Variants in ELP3 observed in about 807,000 individuals in gnomAD.
ELP3 encodes elongator acetyltransferase complex subunit 3.
In ELP3, 56 loss-of-function variants were observed where a neutral mutation model predicts 74.9. The ratio of observed to expected loss-of-function variants is 0.75; its 90% confidence interval spans 0.60 to 0.93. The LOEUF is 0.93. ELP3 is among the 40% of genes least tolerant of loss of function. The pLI, the probability that ELP3 is intolerant of heterozygous loss-of-function variation, is 0.00. For missense variants in ELP3, 573 were observed against 686.5 expected, an observed-to-expected ratio of 0.83 and a Z score of 1.85; for synonymous variants, 222 against 239.8, an observed-to-expected ratio of 0.93 and a Z score of 0.68.
chr8:28,123,247 A>G (rs373180948), intron 7 of ELP3, among the ~76,000 whole-genome samples: 2 of 152,356 alleles, frequency 1.3e-5, no homozygotes, highest in East Asian at 3.9e-4. Context: ...ATATTTTTTC[A>G]TACCCTTTAT....
chr8:28,173,299 CTTG>C (rs1178185165), intron 14 of ELP3, among the ~76,000 whole-genome samples: 1 of 151,758 alleles, frequency 6.6e-6, no homozygotes, highest in African/African-American at 2.4e-5. Context: ...GATTCAGTTT[CTTG>C]TTATGTATTT....
intron 10 of ELP3, among the ~76,000 whole-genome samples, chr8:28,142,973 A>T (rs553238939): frequency 1.4e-4 from 21 of 152,258 alleles, no homozygotes; most frequent in African/African-American, 4.8e-4. Context: ...TATGTTTTGC[A>T]TTGAGTGTTA....
chr8:28,135,844 C>T (rs2130475802), intron 9 of ELP3, among the ~76,000 whole-genome samples: 1 of 152,222 alleles, frequency 6.6e-6, no homozygotes, highest in African/African-American at 2.4e-5. Context: ...CATTCACAAG[C>T]CTTCCTAGTT....
At chr8:28,125,751 T>G (rs1033539618) in intron 7 of ELP3, among the ~76,000 whole-genome samples, 1 of 144,212 alleles carries the variant, frequency 6.9e-6, no homozygotes, top group African/African-American at 2.6e-5. Flanking sequence ...TGTTCTGTAG[T>G]CATTTCTCTT....
At chr8:28,092,604 C>T (rs992595549), upstream of ELP3, among the ~76,000 whole-genome samples, 1 of 152,132 alleles carries the variant, frequency 6.6e-6, no homozygotes, top group Non-Finnish European at 1.5e-5. Context: ...CCACAAGAGA[C>T]ATCCACAGCT....
intron 1 of ELP3, among the ~76,000 whole-genome samples, chr8:28,095,557 G>C (rs1259502728): frequency 6.6e-6 from 1 of 152,200 alleles, no homozygotes; most frequent in Non-Finnish European, 1.5e-5. Context: ...AAAGCATTTA[G>C]CCTTTGAGTA....
intron 12 of ELP3, among the ~76,000 whole-genome samples, chr8:28,159,977 A>G (rs1814003138): frequency 6.6e-6 from 1 of 152,226 alleles, no homozygotes; most frequent in Non-Finnish European, 1.5e-5. Flanking sequence ...TCTCTGTAAG[A>G]GTCTCAAGGT....
intron 14 of ELP3, among the ~76,000 whole-genome samples, chr8:28,172,523 T>C (rs1186491567): frequency 6.6e-6 from 1 of 152,128 alleles, no homozygotes; most frequent in Non-Finnish European, 1.5e-5. Flanking sequence ...GATTTGTTTA[T>C]TAGCTCCAAT....
chr8:28,150,652 CT>C (rs1813607045), intron 10 of ELP3, among the ~76,000 whole-genome samples: 1 of 151,852 alleles, frequency 6.6e-6, no homozygotes, highest in South Asian at 2.1e-4. Flanking sequence ...TGTTCTTTAT[CT>C]TTTTATTTTC....
At chr8:28,110,328 GTT>G in intron 5 of ELP3, 40 bp from the exon 6 acceptor site, 1 of 1,547,814 alleles carries the variant, frequency 6.5e-7, no homozygotes, top group Non-Finnish European at 8.9e-7. Context: ...CTACTTTTTA[GTT>G]TTAATTCAAT....
chr8:28,136,651 A>G (rs904167505), intron 9 of ELP3, among the ~76,000 whole-genome samples: 15 of 152,258 alleles, frequency 9.9e-5, no homozygotes, highest in Admixed American at 2.0e-4. Flanking sequence ...GGAAAAGTCT[A>G]TTGTTATATT....
intron 2 of ELP3, among the ~76,000 whole-genome samples, chr8:28,099,025 C>T (rs980817966): frequency 8.5e-5 from 13 of 152,214 alleles, no homozygotes; most frequent in Non-Finnish European, 1.3e-4. Flanking sequence ...CATGAAAGGA[C>T]TGTGCCTTGC....
chr8:28,092,653 G>A (rs1443812528), upstream of ELP3, among the ~76,000 whole-genome samples: 1 of 150,828 alleles, frequency 6.6e-6, no homozygotes, highest in African/African-American at 2.4e-5. Flanking sequence ...ATTCATCTAA[G>A]ACCAAGGTGA....
At chr8:28,163,211 G>T (rs1013524547) in intron 14 of ELP3, among the ~76,000 whole-genome samples, 3 of 152,108 alleles carry the variant, frequency 2.0e-5, no homozygotes, top group African/African-American at 7.2e-5. Flanking sequence ...TACAGAAATC[G>T]CTGTTCCCAT....
chr8:28,116,840 A>G (rs1202009138), intron 7 of ELP3, among the ~76,000 whole-genome samples: 2 of 152,330 alleles, frequency 1.3e-5, no homozygotes, highest in African/African-American at 4.8e-5. Flanking sequence ...TCATCCAGCT[A>G]ATTACTCTTA....
intron 6 of ELP3, chr8:28,112,376 G>T (rs968813098): frequency 1.3e-5 from 2 of 152,132 alleles, no homozygotes; most frequent in African/African-American, 4.8e-5. Flanking sequence ...CAGGTGATCT[G>T]CCAGCCTGGT....
intron 14 of ELP3, among the ~76,000 whole-genome samples, chr8:28,184,717 A>G (rs982369259): frequency 1.2e-4 from 18 of 152,220 alleles, no homozygotes; most frequent in African/African-American, 4.1e-4. Context: ...TTGACCAACA[A>G]TTACACATCT....
intron 7 of ELP3, among the ~76,000 whole-genome samples, chr8:28,116,267 G>C (rs1812128251): frequency 1.3e-5 from 2 of 152,198 alleles, no homozygotes; most frequent in Admixed American, 6.5e-5. Flanking sequence ...CCATCTGAAA[G>C]GTTTGGCAGC....
chr8:28,104,070 A>T (rs1167119719), intron 3 of ELP3, among the ~76,000 whole-genome samples: 3 of 152,202 alleles, frequency 2.0e-5, no homozygotes, highest in African/African-American at 7.2e-5. Context: ...GAACAGTGGT[A>T]TCTCCTTGTT....
Sources: allele counts gnomAD v4.1 joint callset (sites outside exome capture counted in the v4.1 genomes callset), GRCh38; gene constraint gnomAD v4.1.1; transcripts MANE v1.5; gene names NCBI Gene and HGNC (gene_info 2026-07-23, HGNC 2026-07-21).